The following ROR1 variants were observed in gnomAD, a reference collection of about 807,000 sequenced individuals.
The protein encoded by ROR1 is ROR family WNT receptor 1.
Under a neutral mutation model 78.8 loss-of-function variants are expected in ROR1, and 19 were observed. The ratio of observed to expected loss-of-function variants is 0.24; its 90% confidence interval spans 0.17 to 0.35. The LOEUF is 0.35. Ranked by LOEUF, ROR1 falls within the 10% of genes least tolerant of loss-of-function variation. ROR1 has a pLI of 1.00. For missense variants in ROR1, 917 were observed against 1,177.8 expected (o/e 0.78, Z 3.24); for synonymous variants, 386 against 433.6 (o/e 0.89, Z 1.36).
intron 4 of ROR1, among the ~76,000 whole-genome samples, chr1:64,127,715 A>G (rs1164159939): frequency 2.0e-5 from 3 of 152,216 alleles, no homozygotes; most frequent in Non-Finnish European, 4.4e-5. Flanking sequence ...AATACTGTTG[A>G]GCATAGAATA....
At chr1:64,108,709 T>A (rs1337820692) in intron 4 of ROR1, among the ~76,000 whole-genome samples, 6 of 152,042 alleles carry the variant, frequency 3.9e-5, no homozygotes, top group Non-Finnish European at 8.8e-5. Flanking sequence ...AAAAGAGTGT[T>A]CAGCAATGAC....
At chr1:63,781,959 G>T (rs1307761756) in intron 1 of ROR1, among the ~76,000 whole-genome samples, 1 of 152,164 alleles carries the variant, frequency 6.6e-6, no homozygotes, top group Non-Finnish European at 1.5e-5. Flanking sequence ...TTGGGTATGG[G>T]AGGGGATTTG....
chr1:64,015,542 G>A (rs1342884809), intron 2 of ROR1, among the ~76,000 whole-genome samples: 1 of 152,128 alleles, frequency 6.6e-6, no homozygotes, highest in Non-Finnish European at 1.5e-5. Flanking sequence ...CTATTTAAAT[G>A]GTATTGACTG....
At chr1:64,073,246 AAATACTAG>A (rs1242111880) in intron 4 of ROR1, among the ~76,000 whole-genome samples, 1 of 152,164 alleles carries the variant, frequency 6.6e-6, no homozygotes, top group Admixed American at 6.5e-5. Context: ...ACCCCTGAGA[AAATACTAG>A]CCACTTGGGG....
intron 2 of ROR1, among the ~76,000 whole-genome samples, chr1:64,012,491 C>G (rs1429320466): frequency 1.3e-5 from 2 of 152,144 alleles, no homozygotes; most frequent in Non-Finnish European, 2.9e-5. Context: ...AGCAGCAAAC[C>G]TAAAACCAGC....
At chr1:64,076,314 A>C (rs1647050088) in intron 4 of ROR1, among the ~76,000 whole-genome samples, 1 of 152,184 alleles carries the variant, frequency 6.6e-6, no homozygotes, top group Admixed American at 6.5e-5. Flanking sequence ...GTGGATGGAC[A>C]CACAAAGCTA....
intron 1 of ROR1, among the ~76,000 whole-genome samples, chr1:63,972,198 C>G (rs1470174225): frequency 6.6e-6 from 1 of 152,150 alleles, no homozygotes; most frequent in Non-Finnish European, 1.5e-5. Flanking sequence ...AACCTGGGCT[C>G]TCAAATACTT....
chr1:63,900,981 TA>T (rs1012818212), intron 1 of ROR1, among the ~76,000 whole-genome samples: 58 of 152,196 alleles, frequency 3.8e-4, no homozygotes, highest in African/African-American at 1.0e-3. Context: ...GTGGTAGCAT[TA>T]TTACCGTCAT....
chr1:64,173,686 A>G (rs1343975401), intron 8 of ROR1, among the ~76,000 whole-genome samples: 4 of 152,216 alleles, frequency 2.6e-5, no homozygotes, highest in Non-Finnish European at 4.4e-5. Context: ...AGGCAAGTAT[A>G]TGAGAACAAA....
intron 4 of ROR1, among the ~76,000 whole-genome samples, chr1:64,079,644 G>A (rs958502640): frequency 6.6e-6 from 1 of 151,968 alleles, no homozygotes; most frequent in Admixed American, 6.6e-5. Flanking sequence ...ACCACGCCCA[G>A]CTAGTTTTTA....
chr1:63,843,605 C>T, intron 1 of ROR1: 1 of 662,356 alleles, frequency 1.5e-6, no homozygotes, highest in South Asian at 1.4e-5. Context: ...GCTTCTTCAC[C>T]TCCTCTGGCA....
intron 1 of ROR1, among the ~76,000 whole-genome samples, chr1:63,919,488 C>CTTT (rs10644304): frequency 0.015 from 1,849 of 122,122 alleles, 30 homozygotes; most frequent in Non-Finnish European, 0.019. Context: ...ATTGAATTGG[C>CTTT]TTTTTTTTTT....
intron 4 of ROR1, among the ~76,000 whole-genome samples, chr1:64,053,622 A>G (rs1370591117): frequency 6.6e-6 from 1 of 152,208 alleles, no homozygotes; most frequent in East Asian, 1.9e-4. Context: ...TGAATAAAAT[A>G]TGTTCTATCT....
intron 1 of ROR1, among the ~76,000 whole-genome samples, chr1:63,933,959 G>C (rs1645774296): frequency 6.6e-6 from 1 of 152,204 alleles, no homozygotes; most frequent in South Asian, 2.1e-4. Flanking sequence ...AGAGAAGCAG[G>C]GTGAGGGCTG....
intron 1 of ROR1, among the ~76,000 whole-genome samples, chr1:63,813,610 G>C (rs1206800237): frequency 6.6e-6 from 1 of 152,192 alleles, no homozygotes; most frequent in Non-Finnish European, 1.5e-5. Flanking sequence ...GTGGAATTAT[G>C]CTGTGGCCCC....
At chr1:64,125,519 C>A (rs548177667) in intron 4 of ROR1, among the ~76,000 whole-genome samples, 1 of 152,290 alleles carries the variant, frequency 6.6e-6, no homozygotes. Context: ...CAAATACTCT[C>A]ATGGAGTCAG....
At chr1:63,861,400 G>T (rs1161983138) in intron 1 of ROR1, among the ~76,000 whole-genome samples, 1 of 152,144 alleles carries the variant, frequency 6.6e-6, no homozygotes, top group African/African-American at 2.4e-5. Flanking sequence ...TTTTCCCTTG[G>T]ATTTTATTTA....
At chr1:64,004,564 G>T (rs1330124913) in intron 1 of ROR1, among the ~76,000 whole-genome samples, 1 of 152,188 alleles carries the variant, frequency 6.6e-6, no homozygotes, top group African/African-American at 2.4e-5. Context: ...TGGGCTGGCC[G>T]CTGGTCTTGT....
intron 4 of ROR1, among the ~76,000 whole-genome samples, chr1:64,102,256 CT>C (rs1422560134): frequency 6.6e-6 from 1 of 152,170 alleles, no homozygotes; most frequent in Non-Finnish European, 1.5e-5. Context: ...GGAATCAGAT[CT>C]GTTTGTGCGG....
Sources: allele counts gnomAD v4.1 joint callset (sites outside exome capture counted in the v4.1 genomes callset), GRCh38; gene constraint gnomAD v4.1.1; transcripts MANE v1.5; gene names NCBI Gene and HGNC (gene_info 2026-07-23, HGNC 2026-07-21).